The following POU2AF2 variants were observed in gnomAD, a reference collection of about 807,000 sequenced individuals.
The protein encoded by POU2AF2 is POU domain class 2-associating factor 2.
chr11:111,263,679 C>T, the POU2AF2 span, among the ~76,000 whole-genome samples: 1 of 152,118 alleles, frequency 6.6e-6, no homozygotes, highest in East Asian at 1.9e-4. Context: ...GATCTGCCCA[C>T]CTCGGCCTCC....
At chr11:111,254,421 C>T in the POU2AF2 span, among the ~76,000 whole-genome samples, 3 of 152,108 alleles carry the variant, frequency 2.0e-5, no homozygotes, top group African/African-American at 7.2e-5. Flanking sequence ...TTTTCTTCTT[C>T]ATTTTGTATC....
chr11:111,275,688 C>T, the POU2AF2 span, among the ~76,000 whole-genome samples: 4 of 152,190 alleles, frequency 2.6e-5, no homozygotes, highest in South Asian at 8.3e-4. Flanking sequence ...GAACAATAGA[C>T]AATAAATTTA....
the POU2AF2 span, among the ~76,000 whole-genome samples, chr11:111,273,724 T>A: frequency 6.6e-6 from 1 of 152,334 alleles, no homozygotes; most frequent in African/African-American, 2.4e-5. Flanking sequence ...AAAATGACTA[T>A]AAATGTACTC....
chr11:111,255,261 C>A, the POU2AF2 span, among the ~76,000 whole-genome samples: 2 of 152,128 alleles, frequency 1.3e-5, no homozygotes, highest in Admixed American at 6.5e-5. Flanking sequence ...ATAATTTAGT[C>A]GCAGACCTCA....
chr11:111,266,594 G>C, the POU2AF2 span, among the ~76,000 whole-genome samples: 1 of 152,130 alleles, frequency 6.6e-6, no homozygotes, highest in Admixed American at 6.5e-5. Context: ...TTGACGTTCA[G>C]ACCTGAGTCC....
At chr11:111,284,216 C>T in the POU2AF2 span, 1 of 1,614,196 alleles carries the variant, frequency 6.2e-7, no homozygotes, top group Admixed American at 1.7e-5. Flanking sequence ...CTCCGCAGGG[C>T]AGAGCCATGC....
chr11:111,269,602 C>T, the POU2AF2 span, among the ~76,000 whole-genome samples: 3 of 152,094 alleles, frequency 2.0e-5, no homozygotes, highest in East Asian at 1.9e-4. Context: ...GTTTTTGCAG[C>T]GGAACAGCCG....
At chr11:111,286,192 T>A in the POU2AF2 span, 2 of 920,512 alleles carry the variant, frequency 2.2e-6, no homozygotes, top group Non-Finnish European at 3.2e-6. Context: ...ACGAGGGCAT[T>A]TATTTGTAAT....
At chr11:111,256,635 CTCTGGGGTCCCT>C in the POU2AF2 span, among the ~76,000 whole-genome samples, 5 of 152,164 alleles carry the variant, frequency 3.3e-5, no homozygotes, top group Non-Finnish European at 7.3e-5. Context: ...GCAAAATGAC[CTCTGGGGTCCCT>C]TCCAGCTGTA....
chr11:111,271,675 C>T, the POU2AF2 span, among the ~76,000 whole-genome samples: 1 of 152,210 alleles, frequency 6.6e-6, no homozygotes, highest in East Asian at 1.9e-4. Flanking sequence ...CCCCCTGCCT[C>T]TGCTTCCCAA....
chr11:111,267,117 C>T, the POU2AF2 span, among the ~76,000 whole-genome samples: 1 of 152,186 alleles, frequency 6.6e-6, no homozygotes, highest in Non-Finnish European at 1.5e-5. Context: ...AGTACCAGGA[C>T]CTTCCTTTCC....
At chr11:111,272,477 A>G in the POU2AF2 span, among the ~76,000 whole-genome samples, 1 of 152,208 alleles carries the variant, frequency 6.6e-6, no homozygotes, top group Non-Finnish European at 1.5e-5. Flanking sequence ...CATGTAAATC[A>G]TCTCACACTC....
the POU2AF2 span, among the ~76,000 whole-genome samples, chr11:111,264,622 GAAGAAAGAAAGAGA>G: frequency 5.9e-5 from 4 of 68,278 alleles, no homozygotes; most frequent in Admixed American, 5.0e-4. Context: ...GAAAGAAAGA[GAAGAAAGAAAGAGA>G]AAGAAAGAGA....
At chr11:111,262,486 A>T in the POU2AF2 span, among the ~76,000 whole-genome samples, 1 of 152,250 alleles carries the variant, frequency 6.6e-6, no homozygotes, top group Non-Finnish European at 1.5e-5. Flanking sequence ...ACATCATGAC[A>T]TCTAGATCTG....
the POU2AF2 span, among the ~76,000 whole-genome samples, chr11:111,268,874 C>T: frequency 6.6e-6 from 1 of 152,048 alleles, no homozygotes; most frequent in Non-Finnish European, 1.5e-5. Flanking sequence ...CTTCTCTTAG[C>T]TTTTTATTTC....
At chr11:111,286,032 A>G in the POU2AF2 span, 2 of 1,613,416 alleles carry the variant, frequency 1.2e-6, no homozygotes, top group Admixed American at 1.7e-5. Flanking sequence ...TGGGGGTCAT[A>G]TGAATGCCGC....
chr11:111,252,063 T>C, the POU2AF2 span, among the ~76,000 whole-genome samples: 6 of 152,184 alleles, frequency 3.9e-5, no homozygotes, highest in Admixed American at 2.6e-4. Flanking sequence ...AATCATCAAT[T>C]AAAAAGCACT....
At chr11:111,262,232 G>A in the POU2AF2 span, among the ~76,000 whole-genome samples, 6 of 152,320 alleles carry the variant, frequency 3.9e-5, no homozygotes, top group South Asian at 4.1e-4. Context: ...ACAATAGTAC[G>A]TATTTGATGG....
chr11:111,278,261 A>C, the POU2AF2 span, among the ~76,000 whole-genome samples: 1 of 152,228 alleles, frequency 6.6e-6, no homozygotes, highest in Non-Finnish European at 1.5e-5. Context: ...TAAGAGGTAG[A>C]GCTGGGATTC....
Sources: gnomAD v4.1 joint callset for allele counts (sites outside exome capture counted in the v4.1 genomes callset) on GRCh38, gnomAD v4.1.1 for gene constraint, MANE v1.5 for transcripts, NCBI Gene and HGNC (gene_info 2026-07-23, HGNC 2026-07-21) for gene names.